Variants in C4orf50 observed in about 807,000 individuals in gnomAD.
C4orf50 encodes uncharacterized protein C4orf50.
In C4orf50, 80 loss-of-function variants were observed where a neutral mutation model predicts 77.2. The ratio of observed to expected loss-of-function variants is 1.04; its 90% confidence interval spans 0.87 to 1.25. The LOEUF is 1.25. C4orf50 is among the 50% of genes most tolerant of loss of function. The pLI, the probability that C4orf50 is intolerant of heterozygous loss-of-function variation, is 0.00. For synonymous variants in C4orf50, 532 were observed against 465.3 expected (o/e 1.14, Z -1.84); for missense variants, 1,257 against 1,152.9 (o/e 1.09, Z -1.31).
rs958345873 is a variant in C4orf50 at position 5,992,664 on chromosome 4, A to C, written c.1221+139T>G. ...TTCCTCTCCTCAAATCTCTCTCTCAACTACTTCCAGAATGTTCTCCCAGAC... is the reference window on the plus strand; with the variant it reads ...TTCCTCTCCTCAAATCTCTCTCTCACCTACTTCCAGAATGTTCTCCCAGAC... On this transcript the variant is annotated intron_variant, in intron 27 of 33. Coordinates refer to ENST00000531445, the Ensembl canonical transcript of C4orf50. This position sits in a 1 kb window ranked among gnomAD's most constrained non-coding sequence, Gnocchi z 5.0. 1 of 385,570 alleles carries C rather than the reference A, an allele frequency of 2.6e-6. No individual in the cohort carries two copies. Among genetic ancestry groups the C allele is most frequent in the Non-Finnish European group, 4.6e-6 (1 of 218,436 alleles). 23.9% of individuals were successfully genotyped at this position (385,570 alleles called of 1,614,324 possible).
At chr4:5,933,430 C>T (rs1298114655) in intron 7 of C4orf50, among the ~76,000 whole-genome samples, 2 of 152,214 alleles carry the variant, frequency 1.3e-5, no homozygotes, top group South Asian at 2.1e-4. Flanking sequence ...CTCCACCTCC[C>T]GTCCCTACTC....
chr4:5,985,050 A>G (rs1393619526), intron 28 of C4orf50, among the ~76,000 whole-genome samples: 1 of 152,148 alleles, frequency 6.6e-6, no homozygotes, highest in Non-Finnish European at 1.5e-5. Context: ...TCTGGACAGA[A>G]ACTATGAGAG....
chr4:5,967,035 T>C (rs1456072383), intron 32 of C4orf50, among the ~76,000 whole-genome samples: 1 of 152,228 alleles, frequency 6.6e-6, no homozygotes, highest in African/African-American at 2.4e-5. Context: ...ATGACCATGT[T>C]GTATTTCACT....
intron 7 of C4orf50, among the ~76,000 whole-genome samples, chr4:5,909,557 T>G (rs1716705020): frequency 6.6e-6 from 1 of 152,268 alleles, no homozygotes; most frequent in Admixed American, 6.5e-5. Context: ...GCTTACACTT[T>G]TAAAGTCTTA....
exon 28 of C4orf50, chr4:5,990,062 C>T: frequency 7.4e-7 from 1 of 1,347,374 alleles, no homozygotes; most frequent in Non-Finnish European, 9.5e-7. Flanking sequence ...TCCTCATTCT[C>T]TGATGACAGT....
Position 6,015,389 on chromosome 4 carries a change from G to C in C4orf50, c.287+2756C>G, listed in dbSNP as rs1722644650. 6.6e-6 allele frequency among the ~76,000 whole-genome samples: 1 copy of C among 152,140 alleles called. No homozygotes were observed. Among genetic ancestry groups the C allele is most frequent in the Non-Finnish European group, 1.5e-5 (1 of 68,036 alleles). ...GTGGAGTCCACAAGCCAAGGAGTGA[G>C]GCCTCAGGAGAAACCAATCCTGCCG... On this transcript the variant is annotated intron_variant, in intron 23 of 33. Transcript: ENST00000531445. The surrounding 1 kb of genome is among the most constrained non-coding windows in gnomAD (Gnocchi z 4.4).
At chr4:5,913,846 T>C (rs750386166) in intron 7 of C4orf50, among the ~76,000 whole-genome samples, 4 of 152,380 alleles carry the variant, frequency 2.6e-5, no homozygotes, top group Middle Eastern at 3.4e-3. Context: ...CAACAATAGG[T>C]ATCAACAGCT....
At chr4:5,934,002 C>T (rs777445032) in intron 7 of C4orf50, among the ~76,000 whole-genome samples, 4 of 152,032 alleles carry the variant, frequency 2.6e-5, no homozygotes, top group Admixed American at 6.5e-5. Flanking sequence ...TGTCTGTGAG[C>T]GAGAATCACC....
chr4:6,004,215 AT>A (rs1722074555), intron 25 of C4orf50, among the ~76,000 whole-genome samples: 1 of 103,092 alleles, frequency 9.7e-6, no homozygotes, highest in African/African-American at 3.6e-5. Flanking sequence ...GATGATGGTG[AT>A]GGTGATGATG....
intron 25 of C4orf50, among the ~76,000 whole-genome samples, chr4:6,004,809 T>G (rs199522349): frequency 6.9e-6 from 1 of 145,320 alleles, no homozygotes; most frequent in Admixed American, 6.8e-5. Context: ...GATGGTGATG[T>G]TGGTGATGAT....
intron 31 of C4orf50, among the ~76,000 whole-genome samples, chr4:5,971,190 C>A (rs1240713604): frequency 1.3e-5 from 2 of 152,220 alleles, no homozygotes; most frequent in Non-Finnish European, 2.9e-5. Context: ...TCCTGGCAGT[C>A]CTCCTGGGCT....
intron 31 of C4orf50, among the ~76,000 whole-genome samples, chr4:5,967,783 G>C (rs997804812): frequency 6.6e-6 from 1 of 152,192 alleles, no homozygotes; most frequent in Non-Finnish European, 1.5e-5. Flanking sequence ...TTTTAATGAG[G>C]ACATCCAGTG....
Position 5,932,063 on chromosome 4 carries a change from C to G in C4orf50, c.*2474+24838G>C, listed in dbSNP as rs932615545. Among the ~76,000 whole-genome samples, 1 of 131,144 alleles carries G rather than the reference C, an allele frequency of 7.6e-6. No individual in the cohort carries two copies. The highest frequency in any genetic ancestry group is 2.8e-4 in the East Asian group (1 of 3,594). 86.0% of individuals were successfully genotyped at this position (131,144 alleles called of 152,430 possible). ...TCCCAACGCCCCCCCGCCCCCCACC[C>G]CTGCCAACTGTCTCTAATTTCCGTG... is the stretch of plus-strand genomic sequence containing the variant. On this transcript the variant is annotated intron_variant, in intron 7 of 7. Coordinates refer to the C4orf50 transcript ENST00000324058. This position sits in a 1 kb window ranked among gnomAD's most constrained non-coding sequence, Gnocchi z 4.2.
At chr4:5,935,641 C>T (rs1012992571) in intron 7 of C4orf50, among the ~76,000 whole-genome samples, 1 of 151,882 alleles carries the variant, frequency 6.6e-6, no homozygotes, top group African/African-American at 2.4e-5. Flanking sequence ...CAAAAATTAG[C>T]TGGGTGTGGT....
At chr4:6,013,441 T>C (rs1722561081) in intron 23 of C4orf50, among the ~76,000 whole-genome samples, 1 of 152,222 alleles carries the variant, frequency 6.6e-6, no homozygotes, top group Non-Finnish European at 1.5e-5. Flanking sequence ...TCTGATACGA[T>C]TCCTAATCTT....
chr4:6,002,202 A>G (rs1259750397), intron 25 of C4orf50, among the ~76,000 whole-genome samples: 1 of 152,206 alleles, frequency 6.6e-6, no homozygotes, highest in Non-Finnish European at 1.5e-5. Flanking sequence ...ACAGACACAC[A>G]GAGGAAAGAG....
At chr4:5,973,754 C>G (rs368946136) in exon 31 of C4orf50, 12 of 1,613,882 alleles carry the variant, frequency 7.4e-6, no homozygotes, top group Admixed American at 1.7e-5. Flanking sequence ...AGGAGGTTCC[C>G]CAGCCCATGT....
chr4:5,991,413 C>T (rs1277727999), intron 27 of C4orf50, among the ~76,000 whole-genome samples: 2 of 152,188 alleles, frequency 1.3e-5, no homozygotes, highest in Non-Finnish European at 2.9e-5. Flanking sequence ...AGGTGGTCCA[C>T]TCCCTGAGGA....
chr4:5,967,763 T>C (rs2108769686), intron 31 of C4orf50, among the ~76,000 whole-genome samples: 1 of 152,352 alleles, frequency 6.6e-6, no homozygotes, highest in East Asian at 1.9e-4. Context: ...GAAACTGCTA[T>C]TAAAAAACAT....
Sources: gnomAD v4.1 joint callset for allele counts (sites outside exome capture counted in the v4.1 genomes callset) on GRCh38, gnomAD v4.1.1 for gene constraint, Gnocchi (gnomAD v3.1) non-coding constraint, MANE v1.5 for transcripts, NCBI Gene and HGNC (gene_info 2026-07-23, HGNC 2026-07-21) for gene names.